The following MTX3 variants were observed in gnomAD, a reference collection of about 807,000 sequenced individuals.
MTX3 encodes the protein metaxin-3.
In MTX3, 27 loss-of-function variants were observed where a neutral mutation model predicts 42.5. The ratio of observed to expected loss-of-function variants is 0.64; its 90% CI spans 0.47 to 0.88. The LOEUF is 0.88. Among genes scored for constraint, MTX3 ranks in the 40% least tolerant of loss-of-function variants. MTX3 has a pLI of 0.00. For missense variants in MTX3, 378 were observed against 367.0 expected (o/e 1.03, Z -0.25); for synonymous variants, 144 against 132.9 (o/e 1.08, Z -0.57).
chr5:79,983,657 G>T lies in MTX3; in HGVS notation c.*27C>A. 2 of 1,512,098 alleles carry T rather than the reference G, an allele frequency of 1.3e-6. No individual in the cohort carries two copies. Among genetic ancestry groups the T allele is most frequent in the South Asian group, 2.2e-5 (2 of 88,938 alleles). 93.7% of individuals were successfully genotyped at this position (1,512,098 alleles called of 1,614,324 possible). On this transcript the variant is annotated 3_prime_UTR_variant, in exon 9 of 9. Coordinates refer to ENST00000512528, the MANE Select transcript of MTX3 (RefSeq NM_001363818.2). ...TAAGAGATTACTGCAACAATCGTTTGACTTTGGCCACAAACCATGACTACT... is the reference window on the plus strand; with the variant it reads ...TAAGAGATTACTGCAACAATCGTTTTACTTTGGCCACAAACCATGACTACT...
At chr5:79,985,775 A>G (rs1023567878) in intron 7 of MTX3, 116 bp from the exon 8 acceptor site, 1 of 641,150 alleles carries the variant, frequency 1.6e-6, no homozygotes, top group South Asian at 2.1e-5. Context: ...ACCCTCCCCA[A>G]AAAAGGCAAA....
chr5:79,989,413 A>G (rs1233924181), intron 3 of MTX3, among the ~76,000 whole-genome samples, 169 bp from the exon 4 acceptor site: 1 of 152,212 alleles, frequency 6.6e-6, no homozygotes, highest in African/African-American at 2.4e-5. Flanking sequence ...AATGCACATA[A>G]AGTTCTTAGC....
chr5:79,985,171 C>T (rs1042667516), intron 8 of MTX3, among the ~76,000 whole-genome samples: 4 of 151,990 alleles, frequency 2.6e-5, no homozygotes, highest in South Asian at 2.1e-4. Context: ...TTAGTAGAGA[C>T]GGGGTTTCGC....
chr5:79,987,057 TTG>T lies in MTX3; in HGVS notation c.630_631del (p.Tyr210Ter). ...TAGCTGAACTTTAGGAAACCGTACT[TTG>T]TAAAGAGGTGCAAGAAAACCAAAAA... On this transcript the variant is annotated stop_gained and frameshift_variant, in exon 7 of 9. Transcript: ENST00000512528. LOFTEE classifies it high-confidence loss of function. 6.2e-7 allele frequency: 1 copy of T among 1,613,924 alleles called. No individual in the cohort carries two copies. The highest frequency in any genetic ancestry group is 8.5e-7 in the Non-Finnish European group (1 of 1,179,868).
At position 79,978,393 on chromosome 5, in the gene MTX3, C is replaced by T. The variant is rs1005814072; in HGVS notation, c.*5291G>A. ...TCACCTGAGGTCAGGAGTTCAAAAT[C>T]AGCCTGGTCAACATGGTGAAACCCC... On this transcript the variant is annotated 3_prime_UTR_variant, in exon 9 of 9. Transcript: ENST00000512528. 1 of 152,140 alleles carries T rather than the reference C, an allele frequency of 6.6e-6. No homozygotes were observed. Among genetic ancestry groups the T allele is most frequent in the Non-Finnish European group, 1.5e-5 (1 of 68,044 alleles). The allele number at this position is 152,140 out of a possible 1,614,324, so 9.4% of individuals were successfully genotyped here.
chr5:79,985,565 C>T lies in MTX3; in HGVS notation c.828+6G>A, dbSNP rs1455563366. The T allele has an allele frequency of 3.8e-6, 6 of 1,586,544 alleles. No homozygotes were observed. Among genetic ancestry groups the T allele is most frequent in the Admixed American group, 3.4e-5 (2 of 59,694 alleles). On this transcript the variant is annotated splice_donor_region_variant and intron_variant, in intron 8 of 8. Transcript: ENST00000512528. ...ACTATGATAAAATGATTGAAGTAGA[C>T]TTGACCTTTTCAATCAAGTTGGATT...
chr5:79,988,755 A>T (rs948321724), intron 4 of MTX3, 111 bp from the exon 5 acceptor site: 2 of 1,010,412 alleles, frequency 2.0e-6, no homozygotes, highest in African/African-American at 3.3e-5. Flanking sequence ...GTCTTCATAC[A>T]AATTTTCCAG....
In MTX3 at chr5:79,983,758, G is replaced by A. The variant is rs1831425842; in HGVS notation, c.865C>T (p.Pro289Ser). The A allele has an allele frequency of 3.1e-6, 5 of 1,613,736 alleles. No individual in the cohort carries two copies. Among genetic ancestry groups the A allele is most frequent in the African/African-American group, 1.3e-5 (1 of 74,916 alleles). ...DNLRQSPQLP[P>S]RKLPTLKLTP... ...AATTTAAGTGTTGGCAGTTTCCGAG[G>A]AGGAAGCTGAGGGCTTTGGCGAAGA... Residue 289 changes from proline to serine, a missense_variant, in exon 9 of 9, where the codon CCT becomes TCT. By Grantham distance (74) the Pro-to-Ser change is moderately conservative. Coordinates refer to ENST00000512528, the MANE Select transcript of MTX3 (RefSeq NM_001363818.2).
intron 8 of MTX3, 83 bp downstream of exon 8, chr5:79,985,488 A>G (rs1831469114): frequency 2.3e-6 from 2 of 869,358 alleles, no homozygotes; most frequent in African/African-American, 1.7e-5. Context: ...AAAAGGGTAC[A>G]GTTAATGTGT....
Position 79,987,032 on chromosome 5 carries a change from T to A in MTX3, c.657A>T (p.Leu219=). 1 of 1,613,980 alleles carries A rather than the reference T, an allele frequency of 6.2e-7. No homozygotes were observed. Among genetic ancestry groups the A allele is most frequent in the Non-Finnish European group, 8.5e-7 (1 of 1,179,854 alleles). The change falls in exon 7 of 9, where the codon CTA becomes CTT. Residue 219 remains leucine (L), a synonymous_variant. Coordinates refer to ENST00000512528, the MANE Select transcript of MTX3 (RefSeq NM_001363818.2). ...TGGAGAGCTGTTTCAGATGTTCTTG[T>A]AGCTGAACTTTAGGAAACCGTACTT... is the stretch of plus-strand genomic sequence containing the variant. ...LYKVRFPKVQ[L]QEHLKQLSNL...
chr5:79,981,427 A>G lies in MTX3; in HGVS notation c.*2257T>C, dbSNP rs542423933. On this transcript the variant is annotated 3_prime_UTR_variant, in exon 9 of 9. Transcript: ENST00000512528. ...AGTAGGGATGACACAAAAACAAATA[A>G]ATCATATTGACAGTCATTCCCTCTA... The G allele has an allele frequency of 6.6e-6, 1 of 152,294 alleles. No individual in the cohort carries two copies. The highest frequency in any genetic ancestry group is 2.1e-4 in the South Asian group (1 of 4,828). The allele number at this position is 152,294 out of a possible 1,614,324, so 9.4% of individuals were successfully genotyped here. A position where few individuals can be genotyped will look rare whatever the true frequency, so the allele number is the denominator to read the frequency against.
chr5:79,988,988 G>A (rs187136308), intron 4 of MTX3, among the ~76,000 whole-genome samples, 164 bp downstream of exon 4: 41 of 152,294 alleles, frequency 2.7e-4, no homozygotes, highest in Admixed American at 9.1e-4. Flanking sequence ...TCACATACTA[G>A]TTGAATGCCT....
At chr5:79,986,708 C>A (rs73770686) in intron 7 of MTX3, 4 of 557,220 alleles carry the variant, frequency 7.2e-6, no homozygotes, top group African/African-American at 5.7e-5. Flanking sequence ...ATTTAAAGAA[C>A]AAGAAGAAGA....
At chr5:79,990,734 C>A in intron 1 of MTX3, 71 bp from the exon 2 acceptor site, 2 of 1,097,878 alleles carry the variant, frequency 1.8e-6, no homozygotes, top group Non-Finnish European at 2.8e-6. Flanking sequence ...AGCTTTACTT[C>A]ACAGCCCCAT....
chr5:79,987,528 C>G (rs1007919755), intron 6 of MTX3, among the ~76,000 whole-genome samples: 1 of 144,296 alleles, frequency 6.9e-6, no homozygotes, highest in African/African-American at 2.6e-5. Context: ...ATTTTTTTTT[C>G]AAAATTCTCA....
chr5:79,983,553 G>A lies in MTX3; in HGVS notation c.*131C>T. On this transcript the variant is annotated 3_prime_UTR_variant, in exon 9 of 9. Coordinates refer to ENST00000512528, the MANE Select transcript of MTX3 (RefSeq NM_001363818.2). ...CTAATAATAATAGTAAAAATAGATG[G>A]CATAGAAAGTTCCTTTTGGTTTAGA... 3.0e-6 allele frequency: 2 copies of A among 661,236 alleles called. No homozygotes were observed. The highest frequency in any genetic ancestry group is 5.5e-6 in the Non-Finnish European group (2 of 364,978). 41.0% of individuals were successfully genotyped at this position (661,236 alleles called of 1,614,324 possible).
intron 7 of MTX3, chr5:79,986,742 A>G (rs1235862310): frequency 1.7e-6 from 1 of 595,444 alleles, no homozygotes; most frequent in South Asian, 1.8e-5. Context: ...AGCGGAATAG[A>G]TAAAAGGCAA....
chr5:79,989,073 C>G (rs1474439947), intron 4 of MTX3, 79 bp downstream of exon 4: 22 of 983,476 alleles, frequency 2.2e-5, no homozygotes, highest in Non-Finnish European at 3.2e-5. Context: ...TAAGACTTTT[C>G]TCATTGGTTT....
chr5:79,986,881 A>G (rs1831503126), intron 7 of MTX3, 69 bp downstream of exon 7: 1 of 1,421,418 alleles, frequency 7.0e-7, no homozygotes, highest in Non-Finnish European at 9.7e-7. Flanking sequence ...TAAAATAAGT[A>G]GTGGATTTTG....
Sources: allele counts gnomAD v4.1 joint callset (sites outside exome capture counted in the v4.1 genomes callset), GRCh38; gene constraint gnomAD v4.1.1; transcripts MANE v1.5; gene names NCBI Gene and HGNC (gene_info 2026-07-23, HGNC 2026-07-21).